Variants in CAGE1 observed in about 807,000 individuals in gnomAD.
CAGE1 encodes the protein cancer antigen 1, also known as cancer-associated gene 1 protein.
A neutral mutation model predicts 94.9 loss-of-function variants in CAGE1; 66 were observed. The ratio of observed to expected loss-of-function variants is 0.70; its 90% confidence interval spans 0.57 to 0.85. CAGE1 has a LOEUF of 0.85. Among genes scored for constraint, CAGE1 ranks in the 40% least tolerant of loss-of-function variants. The probability of loss-of-function intolerance (pLI) is 0.00; values close to 1 mark genes in which losing one functional copy is unlikely to be tolerated. For synonymous variants in CAGE1, 319 were observed against 321.0 expected (o/e 0.99, Z 0.07); for missense variants, 865 against 950.4 (o/e 0.91, Z 1.18).
intron 9 of CAGE1, among the ~76,000 whole-genome samples, chr6:7,360,248 G>T (rs1268032556): frequency 6.6e-6 from 1 of 152,134 alleles, no homozygotes; most frequent in African/African-American, 2.4e-5. Context: ...ATTCTGCCAT[G>T]TTCTGGGGAC....
Position 7,389,640 on chromosome 6 carries a change from A to C in CAGE1, c.-462T>G. On this transcript the variant is annotated 5_prime_UTR_variant, in exon 1 of 14. Coordinates refer to ENST00000502583, the MANE Select transcript of CAGE1 (RefSeq NM_001170692.2). ...GGGGTACAGAAACGAAAACTCCGGG[A>C]AGAAACGGCCAGCACGGGCCTCGCC... The C allele has an allele frequency of 2.7e-6, 1 of 377,100 alleles. No individual in the cohort carries two copies. The highest frequency in any genetic ancestry group is 3.9e-5 in the Admixed American group (1 of 25,872). 23.4% of individuals were successfully genotyped at this position (377,100 alleles called of 1,614,324 possible).
chr6:7,329,931 G>A lies in CAGE1; in HGVS notation c.2439-43C>T, dbSNP rs183954784. On this transcript the variant is annotated intron_variant, in intron 12 of 13. Coordinates refer to ENST00000502583, the MANE Select transcript of CAGE1 (RefSeq NM_001170692.2). ...AAAATAATGTAAAAAGGAGGAAGGG[G>A]GGACTGAAATAGTGAACATGGTGAG... The A allele has an allele frequency of 4.2e-3, 3,749 of 887,938 alleles. 43 individuals are homozygous for A. Among genetic ancestry groups the A allele is most frequent in the Non-Finnish European group, 3.2e-3 (1,744 of 552,638 alleles). 55.0% of individuals were successfully genotyped at this position (887,938 alleles called of 1,614,324 possible).
intron 7 of CAGE1, among the ~76,000 whole-genome samples, 163 bp downstream of exon 7, chr6:7,368,525 G>A (rs1008195231): frequency 6.6e-6 from 1 of 151,988 alleles, no homozygotes; most frequent in Non-Finnish European, 1.5e-5. Context: ...CAAGTCAAAT[G>A]TTGAACATTT....
chr6:7,330,115 C>T (rs531158836), intron 12 of CAGE1, among the ~76,000 whole-genome samples: 80 of 152,236 alleles, frequency 5.3e-4, no homozygotes, highest in South Asian at 1.2e-3. Flanking sequence ...AGGCAGGTTG[C>T]GGTGGCTCAC....
chr6:7,347,154 AT>A (rs1759578447), intron 11 of CAGE1, among the ~76,000 whole-genome samples: 1 of 152,058 alleles, frequency 6.6e-6, no homozygotes, highest in South Asian at 2.1e-4. Context: ...CGCGTCATGA[AT>A]TTTAGCTCCA....
chr6:7,388,976 C>T (rs1761235977), intron 1 of CAGE1, among the ~76,000 whole-genome samples: 2 of 152,248 alleles, frequency 1.3e-5, no homozygotes, highest in African/African-American at 4.8e-5. Flanking sequence ...ACTGCACAAT[C>T]TGCCAGTTTA....
At chr6:7,326,965 C>T in intron 13 of CAGE1, 66 bp from the exon 14 acceptor site, 1 of 1,188,932 alleles carries the variant, frequency 8.4e-7, no homozygotes, top group East Asian at 2.3e-5. Context: ...GACAGAACCC[C>T]TAAACAGCCA....
Position 7,357,047 on chromosome 6 carries a change from G to C in CAGE1, c.2194-918C>G, listed in dbSNP as rs186461643. Among the ~76,000 whole-genome samples the C allele has an allele frequency of 2.8e-3, 424 of 151,918 alleles. 4 individuals carry two copies. The highest frequency in any genetic ancestry group is 9.5e-3 in the African/African-American group (392 of 41,444). On this transcript the variant is annotated intron_variant, in intron 9 of 13. Coordinates refer to ENST00000502583, the MANE Select transcript of CAGE1 (RefSeq NM_001170692.2). ...CCTGAGCTCAGGTGATCCGCCCCCC[G>C]TCGGCCTCCCAAAGTGCTGAGATTA...
Position 7,365,738 on chromosome 6 carries a change from G to C in CAGE1, c.2085+66C>G, listed in dbSNP as rs1373758776. ...AAGTACTTCAACAAATTTACCAAAA[G>C]AACATAAATACCTGAAATTGTATAT... On this transcript the variant is annotated intron_variant, in intron 8 of 13. Coordinates refer to ENST00000502583, the MANE Select transcript of CAGE1 (RefSeq NM_001170692.2). 8 of 1,336,508 alleles carry C rather than the reference G, an allele frequency of 6.0e-6. No homozygotes were observed. The East Asian group carries it at 1.8e-4, about 29-fold the overall frequency. 82.8% of individuals were successfully genotyped at this position (1,336,508 alleles called of 1,614,324 possible).
chr6:7,360,431 A>G (rs1290560665), intron 9 of CAGE1, among the ~76,000 whole-genome samples: 1 of 152,138 alleles, frequency 6.6e-6, no homozygotes. Context: ...AGAGGCTTTT[A>G]CTTGCATTAA....
intron 11 of CAGE1, among the ~76,000 whole-genome samples, chr6:7,345,248 A>AT (rs1203854232): frequency 2.0e-5 from 3 of 152,184 alleles, no homozygotes; most frequent in African/African-American, 2.4e-5. Context: ...AAGAAGGAAC[A>AT]ACTCCAGACA....
intron 12 of CAGE1, among the ~76,000 whole-genome samples, chr6:7,332,482 T>C (rs1365630576): frequency 6.6e-6 from 1 of 152,136 alleles, no homozygotes; most frequent in East Asian, 1.9e-4. Context: ...CTTAAGGGAT[T>C]TTCACACCCA....
At position 7,343,566 on chromosome 6, in the gene CAGE1, G is replaced by A. The variant is rs73719091; in HGVS notation, c.2370-9476C>T. Among the ~76,000 whole-genome samples the A allele has an allele frequency of 7.3e-3, 1,112 of 152,288 alleles. 15 individuals carry two copies. Among genetic ancestry groups the A allele is most frequent in the African/African-American group, 0.025 (1,035 of 41,556 alleles). On this transcript the variant is annotated intron_variant, in intron 11 of 13. Transcript: ENST00000502583. The stretch of plus-strand genomic sequence containing the variant: ...TAGAAATAACAGTTGCTGTGACAGG[G>A]CAGTGAGTTGTCATTTATGAATTCA...
chr6:7,346,575 G>A (rs760775343), intron 11 of CAGE1, among the ~76,000 whole-genome samples: 10 of 148,582 alleles, frequency 6.7e-5, no homozygotes, highest in Non-Finnish European at 1.3e-4. Context: ...AGCTGGGCAC[G>A]GTGGTTCACA....
intron 11 of CAGE1, among the ~76,000 whole-genome samples, chr6:7,343,756 C>A (rs1225692420): frequency 2.0e-5 from 3 of 152,114 alleles, no homozygotes; most frequent in African/African-American, 7.2e-5. Context: ...AATAGAAGGT[C>A]ACCTTGAATA....
At chr6:7,332,253 T>C (rs1462011019) in intron 12 of CAGE1, among the ~76,000 whole-genome samples, 3 of 152,174 alleles carry the variant, frequency 2.0e-5, no homozygotes, top group Non-Finnish European at 4.4e-5. Flanking sequence ...GAGTCTCAGC[T>C]TGGCAATTGG....
At chr6:7,347,515 T>TGG (rs1561853738) in intron 11 of CAGE1, 27 of 15,364 alleles carry the variant, frequency 1.8e-3, no homozygotes, top group African/African-American at 1.9e-3. Flanking sequence ...GGGGGGGGGG[T>TGG]TGGGGGGGGC....
At chr6:7,345,080 T>C (rs1325620419) in intron 11 of CAGE1, among the ~76,000 whole-genome samples, 1 of 151,890 alleles carries the variant, frequency 6.6e-6, no homozygotes, top group Non-Finnish European at 1.5e-5. Flanking sequence ...CTTTGTTCTT[T>C]CACCCTGCAG....
At chr6:7,336,255 G>C (rs1758949542) in intron 11 of CAGE1, among the ~76,000 whole-genome samples, 1 of 152,220 alleles carries the variant, frequency 6.6e-6, no homozygotes, top group South Asian at 2.1e-4. Flanking sequence ...CCCAAGGAAA[G>C]AAAGTGAAAA....
Sources: gnomAD v4.1 joint callset for allele counts (sites outside exome capture counted in the v4.1 genomes callset) on GRCh38, gnomAD v4.1.1 for gene constraint, MANE v1.5 for transcripts, NCBI Gene and HGNC (gene_info 2026-07-23, HGNC 2026-07-21) for gene names.